The following EIF2S1 variants were observed in gnomAD, a reference collection of about 807,000 sequenced individuals.
EIF2S1 encodes eukaryotic translation initiation factor 2 subunit alpha.
Under a neutral mutation model 33.5 loss-of-function variants are expected in EIF2S1, and 5 were observed. The observed-to-expected ratio is 0.15, with a 90% CI of 0.08 to 0.31. The LOEUF (loss-of-function observed/expected upper bound fraction) is 0.31, where lower values mean the gene tolerates loss of function less well. EIF2S1 is among the 10% of genes least tolerant of loss of function. The pLI, the probability that EIF2S1 is intolerant of heterozygous loss-of-function variation, is 1.00. For missense variants in EIF2S1, 191 were observed against 384.6 expected, an observed-to-expected ratio of 0.50 and a Z score of 4.21; for synonymous variants, 99 against 127.5, an observed-to-expected ratio of 0.78 and a Z score of 1.51.
intron 3 of EIF2S1, 143 bp from the exon 4 acceptor site, chr14:67,376,296 C>T: frequency 2.6e-6 from 2 of 775,200 alleles, no homozygotes; most frequent in East Asian, 2.8e-5. Context: ...CTTTTTATAC[C>T]CACTTAAAGT....
At chr14:67,364,726 C>G (rs752524829) in intron 1 of EIF2S1, 41 bp from the exon 2 acceptor site, 3 of 1,550,252 alleles carry the variant, frequency 1.9e-6, no homozygotes, top group Non-Finnish European at 2.6e-6. Context: ...TTATTTTCAC[C>G]TTAACTGAAT....
In EIF2S1 at chr14:67,383,891, A is replaced by G. The variant is rs2085903906; in HGVS notation, c.*451A>G. On this transcript the variant is annotated 3_prime_UTR_variant, in exon 8 of 8. Coordinates refer to ENST00000256383, the MANE Select transcript of EIF2S1 (RefSeq NM_004094.5). The stretch of plus-strand genomic sequence containing the variant: ...GGCTTCTTCCTTCTTGTCACCAGTT[A>G]AAAGCATTTTAATACTAAGACCCTA... 1 of 214,386 alleles carries G rather than the reference A, an allele frequency of 4.7e-6. No individual in the cohort carries two copies. The highest frequency in any genetic ancestry group is 9.5e-6 in the Non-Finnish European group (1 of 105,462). The allele number at this position is 214,386 out of a possible 1,614,324, so 13.3% of individuals were successfully genotyped here. A position where few individuals can be genotyped will look rare whatever the true frequency, so the allele number is the denominator to read the frequency against.
intron 2 of EIF2S1, among the ~76,000 whole-genome samples, chr14:67,373,837 T>C (rs1054047635): frequency 4.6e-5 from 6 of 129,694 alleles, no homozygotes; most frequent in African/African-American, 2.3e-4. Flanking sequence ...AGTTTTAATT[T>C]GTTCAGTGTG....
chr14:67,377,546 A>G (rs527273050), intron 4 of EIF2S1, among the ~76,000 whole-genome samples: 7 of 152,250 alleles, frequency 4.6e-5, no homozygotes, highest in African/African-American at 7.2e-5. Flanking sequence ...ACAAACTTAC[A>G]TATCTCTGTC....
At chr14:67,371,516 G>A (rs773367127) in intron 2 of EIF2S1, among the ~76,000 whole-genome samples, 1 of 152,054 alleles carries the variant, frequency 6.6e-6, no homozygotes, top group Non-Finnish European at 1.5e-5. Flanking sequence ...GTCTTATCAT[G>A]CAAATTTCAT....
intron 4 of EIF2S1, among the ~76,000 whole-genome samples, 181 bp from the exon 5 acceptor site, chr14:67,380,478 C>T (rs2085882216): frequency 6.6e-6 from 1 of 152,110 alleles, no homozygotes; most frequent in Admixed American, 6.5e-5. Context: ...CACTAATAAT[C>T]AGTTGGGGTG....
At chr14:67,377,279 C>T (rs945904443) in intron 4 of EIF2S1, among the ~76,000 whole-genome samples, 3 of 152,178 alleles carry the variant, frequency 2.0e-5, no homozygotes, top group African/African-American at 7.2e-5. Flanking sequence ...TACTTGTAGA[C>T]TGCTGGGTGC....
Position 67,376,566 on chromosome 14 carries a change from A to C in EIF2S1, c.449A>C (p.Tyr150Ser). ...DKYKRPGYGAYDAFKHAVSDP... is the reference protein window; with the variant it reads ...DKYKRPGYGASDAFKHAVSDP... ...TACAAGAGACCTGGATATGGTGCCT[A>C]TGATGCATTTAAGCATGCAGTCTCG... The change falls in exon 4 of 8, where the codon TAT (tyrosine) becomes TCT (serine). Residue 150 changes from tyrosine (Y) to serine (S), a missense_variant. Coordinates refer to ENST00000256383, the MANE Select transcript of EIF2S1 (RefSeq NM_004094.5). 1 of 1,614,002 alleles carries C rather than the reference A, an allele frequency of 6.2e-7. No homozygotes were observed. The highest frequency in any genetic ancestry group is 8.5e-7 in the Non-Finnish European group (1 of 1,179,940).
chr14:67,369,256 G>C (rs766368935), intron 2 of EIF2S1, among the ~76,000 whole-genome samples: 15 of 152,196 alleles, frequency 9.9e-5, no homozygotes, highest in Non-Finnish European at 1.9e-4. Context: ...TAAAGACATA[G>C]TATTTTCAGA....
chr14:67,376,047 A>G (rs914120647), intron 3 of EIF2S1, among the ~76,000 whole-genome samples: 2 of 152,176 alleles, frequency 1.3e-5, no homozygotes, highest in Admixed American at 1.3e-4. Flanking sequence ...AAGATGACAG[A>G]AAAAAAATTT....
Position 67,383,640 on chromosome 14 carries a change from T to G in EIF2S1, c.*200T>G. The G allele has an allele frequency of 1.6e-6, 1 of 630,990 alleles. No individual in the cohort carries two copies. Among genetic ancestry groups the G allele is most frequent in the South Asian group, 1.7e-5 (1 of 59,254 alleles). The allele number at this position is 630,990 out of a possible 1,614,324, so 39.1% of individuals were successfully genotyped here. ...TTGTCACACAGTAGCTCCAACACTT[T>G]GAGCATTTTTAAGGGAGTGGCCTCA... On this transcript the variant is annotated 3_prime_UTR_variant, in exon 8 of 8. Transcript: ENST00000256383.
chr14:67,375,967 T>C (rs1321609424), intron 3 of EIF2S1, among the ~76,000 whole-genome samples: 1 of 152,216 alleles, frequency 6.6e-6, no homozygotes, highest in Admixed American at 6.5e-5. Flanking sequence ...GTAACTATGA[T>C]GAAGACCTTA....
chr14:67,383,235 C>A, intron 7 of EIF2S1, 80 bp from the exon 8 acceptor site: 1 of 1,470,744 alleles, frequency 6.8e-7, no homozygotes, highest in Non-Finnish European at 9.2e-7. Flanking sequence ...AGAGAGAAAA[C>A]ATTAGGCAGT....
intron 1 of EIF2S1, among the ~76,000 whole-genome samples, chr14:67,361,641 C>T (rs940914103): frequency 2.0e-5 from 3 of 152,198 alleles, no homozygotes; most frequent in Non-Finnish European, 4.4e-5. Context: ...GAAGTCCTAC[C>T]TACCATTTGT....
intron 3 of EIF2S1, among the ~76,000 whole-genome samples, chr14:67,376,065 CG>C (rs2085856322): frequency 6.6e-6 from 1 of 152,094 alleles, no homozygotes; most frequent in Non-Finnish European, 1.5e-5. Flanking sequence ...TTTTTTTTAT[CG>C]TGATTCTCTC....
At chr14:67,363,533 G>A (rs1403155789) in intron 1 of EIF2S1, among the ~76,000 whole-genome samples, 1 of 152,008 alleles carries the variant, frequency 6.6e-6, no homozygotes, top group Non-Finnish European at 1.5e-5. Context: ...CTGATAAGAG[G>A]ACAGACTCTG....
rs2085924626 is a variant in EIF2S1 at position 67,386,477 on chromosome 14, T to C, written c.*3037T>C. 1 of 152,256 alleles carries C rather than the reference T, an allele frequency of 6.6e-6. No homozygotes were observed. Among genetic ancestry groups the C allele is most frequent in the African/African-American group, 2.4e-5 (1 of 41,460 alleles). The allele number at this position is 152,256 out of a possible 1,614,324, so 9.4% of individuals were successfully genotyped here. ...CTGGCAATAGCTTGTGCCAGATTAC[T>C]GTATAAACTTGAAAGTAATAAAAAT... On this transcript the variant is annotated 3_prime_UTR_variant, in exon 8 of 8. Transcript: ENST00000256383.
intron 2 of EIF2S1, among the ~76,000 whole-genome samples, chr14:67,373,513 G>A (rs2085837936): frequency 1.3e-5 from 2 of 152,198 alleles, no homozygotes; most frequent in Non-Finnish European, 2.9e-5. Flanking sequence ...GATAAAGAGT[G>A]TCTAGAAAAA....
At chr14:67,364,583 A>T (rs936005538) in intron 1 of EIF2S1, 184 bp from the exon 2 acceptor site, 5 of 553,092 alleles carry the variant, frequency 9.0e-6, no homozygotes, top group Non-Finnish European at 1.5e-5. Context: ...TAAAAATTAA[A>T]GCTTGGTTCC....
Sources: gnomAD v4.1 joint callset for allele counts (sites outside exome capture counted in the v4.1 genomes callset) on GRCh38, gnomAD v4.1.1 for gene constraint, MANE v1.5 for transcripts, NCBI Gene and HGNC (gene_info 2026-07-23, HGNC 2026-07-21) for gene names.